The following TECPR2 variants were observed in gnomAD, a reference collection of about 807,000 sequenced individuals.
TECPR2 encodes tectonin beta-propeller repeat-containing protein 2.
In TECPR2, 65 loss-of-function variants were observed where a neutral mutation model predicts 138.1. That is an observed-to-expected ratio of 0.47 (90% CI 0.39 to 0.58). The LOEUF (loss-of-function observed/expected upper bound fraction) is 0.58, where lower values mean the gene tolerates loss of function less well. Ranked by LOEUF, TECPR2 falls within the 20% of genes least tolerant of loss-of-function variation. TECPR2 has a pLI of 0.00. For synonymous variants in TECPR2, 746 were observed against 749.8 expected, an observed-to-expected ratio of 0.99 and a Z score of 0.08; for missense variants, 1,553 against 1,824.5, an observed-to-expected ratio of 0.85 and a Z score of 2.71.
chr14:102,371,506 AT>A (rs1161993120), intron 1 of TECPR2, among the ~76,000 whole-genome samples: 1 of 152,104 alleles, frequency 6.6e-6, no homozygotes, highest in Non-Finnish European at 1.5e-5. Context: ...AATAGCATGG[AT>A]TCTCTTCTGC....
At position 102,497,608 on chromosome 14, in the gene TECPR2, G is replaced by A. The variant is rs536662927; in HGVS notation, c.3970G>A (p.Val1324Met). Residue 1324 changes from valine (V) to methionine (M), a missense_variant, in exon 19 of 20, where the codon GTG (valine) becomes ATG (methionine). By Grantham distance (21) the Val-to-Met change is conservative. Transcript: ENST00000359520. Reference sequence around the variant, plus strand: ...CCAGCTGGCGCTGAGCACCAGGACCGTGTGGGCCCGCTGTCCAAACGGAGA... The same window carrying A: ...CCAGCTGGCGCTGAGCACCAGGACCATGTGGGCCCGCTGTCCAAACGGAGA... ...ACQLALSTRT[V>M]WARCPNGDLA... 4 of 1,608,648 alleles carry A rather than the reference G, an allele frequency of 2.5e-6. No homozygotes were observed. The highest frequency in any genetic ancestry group is 1.7e-5 in the Admixed American group (1 of 59,620).
At chr14:102,386,594 T>C (rs564036618) in intron 2 of TECPR2, among the ~76,000 whole-genome samples, 1 of 152,220 alleles carries the variant, frequency 6.6e-6, no homozygotes, top group East Asian at 1.9e-4. Flanking sequence ...TCTGAAGGAA[T>C]TTTCACATGA....
chr14:102,387,489 A>G (rs1363022282), intron 2 of TECPR2, among the ~76,000 whole-genome samples: 2 of 151,782 alleles, frequency 1.3e-5, no homozygotes, highest in Non-Finnish European at 2.9e-5. Flanking sequence ...TTAGCATTCA[A>G]CAAGCCAATG....
chr14:102,441,464 G>A (rs2139741060), intron 11 of TECPR2, among the ~76,000 whole-genome samples: 1 of 150,476 alleles, frequency 6.6e-6, no homozygotes, highest in East Asian at 2.0e-4. Context: ...ATCACCTGAG[G>A]TCAGGAGTTC....
Position 102,499,114 on chromosome 14 carries a change from A to T in TECPR2, c.*857A>T. Reference sequence around the variant, plus strand: ...CTGGAGAGCACACTTCAGCTGAAACAGTAAAGCCTGATGGGTGCAAATGGA... The same window carrying T: ...CTGGAGAGCACACTTCAGCTGAAACTGTAAAGCCTGATGGGTGCAAATGGA... On this transcript the variant is annotated 3_prime_UTR_variant, in exon 20 of 20. Coordinates refer to ENST00000359520, the MANE Select transcript of TECPR2 (RefSeq NM_014844.5). 1 of 703,038 alleles carries T rather than the reference A, an allele frequency of 1.4e-6. No individual in the cohort carries two copies. The allele number at this position is 703,038 out of a possible 1,614,324, so 43.5% of individuals were successfully genotyped here.
Position 102,432,040 on chromosome 14 carries a change from A to T in TECPR2, c.1329A>T (p.Arg443Ser). The change falls in exon 8 of 20, where the codon AGA (arginine) becomes AGT (serine). Residue 443 changes from arginine (R) to serine (S), a missense_variant. Transcript: ENST00000359520. Reference protein sequence around the residue: ...LGKGSQPLSQRFNAISSEDFD... With the variant: ...LGKGSQPLSQSFNAISSEDFD... ...AGGGCAGCCAGCCCCTGTCACAGAG[A>T]TTCAACGCCATCAGCTCAGAGGACT... 6.2e-7 allele frequency: 1 copy of T among 1,612,910 alleles called. No individual in the cohort carries two copies. The highest frequency in any genetic ancestry group is 8.5e-7 in the Non-Finnish European group (1 of 1,179,924).
At chr14:102,464,507 C>T (rs1318131118) in intron 16 of TECPR2, among the ~76,000 whole-genome samples, 1 of 152,072 alleles carries the variant, frequency 6.6e-6, no homozygotes, top group East Asian at 1.9e-4. Flanking sequence ...ATCTCAGCCT[C>T]CCGAGTAGCT....
intron 1 of TECPR2, among the ~76,000 whole-genome samples, chr14:102,363,914 T>C (rs918782669): frequency 6.6e-6 from 1 of 152,248 alleles, no homozygotes; most frequent in African/African-American, 2.4e-5. Flanking sequence ...GTTCTCGCCC[T>C]CTAGTCCCTT....
chr14:102,434,335 G>A lies in TECPR2; in HGVS notation c.1518G>A (p.Ser506=), dbSNP rs370643085. The change falls in exon 9 of 20, where the codon TCG becomes TCA. Residue 506 remains serine, a synonymous_variant. Transcript: ENST00000359520. The part of the protein sequence containing the change: ...SPQSLNTDLL[S]MTSSVLGSSV... ...AGTCCTTGAACACAGACTTGCTGTC[G>A]ATGACCTCAAGTGTCCTGGGCAGTA... The A allele has an allele frequency of 3.8e-5, 55 of 1,462,654 alleles. No individual in the cohort carries two copies. In the East Asian group the frequency reaches 7.2e-4, roughly 19 times the overall value. 90.6% of individuals were successfully genotyped at this position (1,462,654 alleles called of 1,614,324 possible).
At position 102,431,988 on chromosome 14, in the gene TECPR2, G is replaced by A. The variant is rs759435850; in HGVS notation, c.1277G>A (p.Gly426Glu). 1.2e-6 allele frequency: 2 copies of A among 1,612,842 alleles called. No homozygotes were observed. Among genetic ancestry groups the A allele is most frequent in the Non-Finnish European group, 1.7e-6 (2 of 1,179,904 alleles). ...AGCGGCTCCGGGCTCCTGCCCCCTG[G>A]GCTCCAGGCCACCCCTGAGCTGGGC... The part of the protein sequence containing the change: ...TDSGSGLLPP[G>E]LQATPELGKG... Residue 426 changes from glycine (G) to glutamate (E), a missense_variant, in exon 8 of 20, where the codon GGG becomes GAG. By Grantham distance (98) the Gly-to-Glu change is moderately conservative. Transcript: ENST00000359520.
chr14:102,408,590 A>C lies in TECPR2; in HGVS notation c.451A>C (p.Ile151Leu). 1 of 1,613,432 alleles carries C rather than the reference A, an allele frequency of 6.2e-7. No homozygotes were observed. The highest frequency in any genetic ancestry group is 8.5e-7 in the Non-Finnish European group (1 of 1,179,808). ...KLFSGDDKGK[I>L]VYSSLDLDQG... is the part of the protein sequence containing the mutation. The stretch of plus-strand genomic sequence containing the variant: ...GTTCTCTGGAGATGACAAAGGCAAA[A>C]TTGTTTATTCTTCTCTGGATCTAGA... Residue 151 changes from isoleucine to leucine, a missense_variant, in exon 4 of 20, where the codon ATT becomes CTT. Ile to Leu is a conservative substitution (Grantham distance 5, BLOSUM62 2). Coordinates refer to ENST00000359520, the MANE Select transcript of TECPR2 (RefSeq NM_014844.5).
chr14:102,498,309 G>A lies in TECPR2; in HGVS notation c.*52G>A. ...GGGCCCGGCGTCTGTGGCGGGCACAGGGGCTTCAGAGTGACTCCCTGGTGG... is the reference window on the plus strand; with the variant it reads ...GGGCCCGGCGTCTGTGGCGGGCACAAGGGCTTCAGAGTGACTCCCTGGTGG... On this transcript the variant is annotated 3_prime_UTR_variant, in exon 20 of 20. Coordinates refer to ENST00000359520, the MANE Select transcript of TECPR2 (RefSeq NM_014844.5). The A allele has an allele frequency of 6.4e-7, 1 of 1,553,656 alleles. No homozygotes were observed. Among genetic ancestry groups the A allele is most frequent in the African/African-American group, 1.3e-5 (1 of 74,188 alleles).
intron 17 of TECPR2, among the ~76,000 whole-genome samples, chr14:102,490,082 G>A (rs1891121973): frequency 6.6e-6 from 1 of 152,180 alleles, no homozygotes; most frequent in Admixed American, 6.5e-5. Context: ...GAGACCGCCA[G>A]TGAATCAGGT....
chr14:102,446,300 C>T (rs745399620), intron 13 of TECPR2, among the ~76,000 whole-genome samples: 1 of 152,042 alleles, frequency 6.6e-6, no homozygotes, highest in Non-Finnish European at 1.5e-5. Flanking sequence ...AACTCCTGAG[C>T]TCAAGAGATC....
intron 2 of TECPR2, 133 bp downstream of exon 2, chr14:102,377,073 T>C: frequency 1.1e-6 from 1 of 900,626 alleles, no homozygotes; most frequent in Non-Finnish European, 1.7e-6. Context: ...CAAACAATAC[T>C]TTAAAACCAT....
At position 102,447,264 on chromosome 14, in the gene TECPR2, A is replaced by G. The variant is rs561215018; in HGVS notation, c.3075+1317A>G. ...CCCAAGTAGCTGGGACCACAGGCACATGCCACCATGCCTGGCTAATTATTT... is the reference window on the plus strand; with the variant it reads ...CCCAAGTAGCTGGGACCACAGGCACGTGCCACCATGCCTGGCTAATTATTT... On this transcript the variant is annotated intron_variant, in intron 13 of 19. Coordinates refer to ENST00000359520, the MANE Select transcript of TECPR2 (RefSeq NM_014844.5). Among the ~76,000 whole-genome samples the G allele has an allele frequency of 2.6e-5, 4 of 151,908 alleles. No individual in the cohort carries two copies. In the East Asian group the frequency reaches 7.8e-4, roughly 30 times the overall value.
rs999218949 is a variant in TECPR2 at position 102,419,073 on chromosome 14, G to C, written c.638+4280G>C. Among the ~76,000 whole-genome samples the C allele has an allele frequency of 2.2e-4, 34 of 152,272 alleles. No individual in the cohort carries two copies. Among genetic ancestry groups the C allele is most frequent in the African/African-American group, 8.2e-4 (34 of 41,560 alleles). On this transcript the variant is annotated intron_variant, in intron 5 of 19. Transcript: ENST00000359520. The surrounding 1 kb of genome is among the most constrained non-coding windows in gnomAD (Gnocchi z 4.8). ...GGGAGCTGTGCGCTGGCAGCCACTGGCATGCAGACAGGAGCTCGCCTAGGG... is the reference window on the plus strand; with the variant it reads ...GGGAGCTGTGCGCTGGCAGCCACTGCCATGCAGACAGGAGCTCGCCTAGGG...
At chr14:102,489,927 G>A (rs1891117691) in intron 17 of TECPR2, among the ~76,000 whole-genome samples, 1 of 149,156 alleles carries the variant, frequency 6.7e-6, no homozygotes, top group African/African-American at 2.5e-5. Context: ...CCAAAGAAAG[G>A]CTTGAGAAGA....
intron 1 of TECPR2, among the ~76,000 whole-genome samples, chr14:102,375,485 G>A (rs1333958521): frequency 6.6e-6 from 1 of 152,220 alleles, no homozygotes; most frequent in African/African-American, 2.4e-5. Context: ...GCTCAGTAGA[G>A]AAAGAACATT....
Sources: allele counts gnomAD v4.1 joint callset (sites outside exome capture counted in the v4.1 genomes callset), GRCh38; gene constraint gnomAD v4.1.1; non-coding constraint Gnocchi (gnomAD v3.1); transcripts MANE v1.5; gene names NCBI Gene and HGNC (gene_info 2026-07-23, HGNC 2026-07-21).